Variants in NALF1 observed in about 807,000 individuals in gnomAD.
The protein encoded by NALF1 is family with sequence similarity 155 member A.
NALF1 carries 3 observed loss-of-function variants against 48.4 expected under a neutral mutation model. That is an observed-to-expected ratio of 0.06 (90% CI 0.03 to 0.16). The LOEUF (loss-of-function observed/expected upper bound fraction) is 0.16, where lower values mean the gene tolerates loss of function less well. Among genes scored for constraint, NALF1 ranks in the 10% least tolerant of loss-of-function variants. The probability of loss-of-function intolerance (pLI) is 1.00; values close to 1 mark genes in which losing one functional copy is unlikely to be tolerated. For missense variants in NALF1, 526 were observed against 571.5 expected (o/e 0.92, Z 0.81); for synonymous variants, 262 against 245.7 (o/e 1.07, Z -0.62).
chr13:107,709,199 C>CAGTGTCA (rs1875495525), intron 1 of NALF1, among the ~76,000 whole-genome samples: 1 of 152,112 alleles, frequency 6.6e-6, no homozygotes, highest in Non-Finnish European at 1.5e-5. Context: ...TCCAAGGGCT[C>CAGTGTCA]AGTGTCACTT....
At chr13:107,442,097 A>G (rs1413599997) in intron 1 of NALF1, among the ~76,000 whole-genome samples, 1 of 152,148 alleles carries the variant, frequency 6.6e-6, no homozygotes, top group Non-Finnish European at 1.5e-5. Flanking sequence ...GATTTGAAAT[A>G]GAGCTTTAAG....
intron 1 of NALF1, among the ~76,000 whole-genome samples, chr13:107,580,215 C>T (rs1240042799): frequency 2.6e-5 from 4 of 152,132 alleles, no homozygotes; most frequent in Non-Finnish European, 4.4e-5. Context: ...CCAAACACCG[C>T]ATATTCTCAC....
Position 107,309,246 on chromosome 13 carries a change from C to G in NALF1, c.916-98491G>C, listed in dbSNP as rs542985783. Reference sequence around the variant, plus strand: ...ACACCTGTCTTTGGTGAGATGCTTTCTCTGTACACAGAAGAGGTTAGAAAC... The same window carrying G: ...ACACCTGTCTTTGGTGAGATGCTTTGTCTGTACACAGAAGAGGTTAGAAAC... On this transcript the variant is annotated intron_variant, in intron 1 of 2. Transcript: ENST00000375915. 4.6e-5 allele frequency among the ~76,000 whole-genome samples: 7 copies of G among 152,322 alleles called. No homozygotes were observed. The East Asian group carries it at 9.6e-4, about 21-fold the overall frequency.
At chr13:107,396,265 T>G (rs928478945) in intron 1 of NALF1, among the ~76,000 whole-genome samples, 3 of 152,118 alleles carry the variant, frequency 2.0e-5, no homozygotes, top group African/African-American at 7.2e-5. Context: ...ATAGTCAGAT[T>G]GGGGGTAAGG....
chr13:107,215,760 T>A (rs1026295390), intron 1 of NALF1, among the ~76,000 whole-genome samples: 2 of 152,160 alleles, frequency 1.3e-5, no homozygotes, highest in South Asian at 4.1e-4. Context: ...GGTGTCCTCA[T>A]GTCCTCTCTT....
chr13:107,794,349 T>G (rs543727952), intron 1 of NALF1, among the ~76,000 whole-genome samples: 17 of 152,266 alleles, frequency 1.1e-4, no homozygotes, highest in African/African-American at 4.1e-4. Context: ...TGAATAATCG[T>G]TGAGTCCTTT....
intron 1 of NALF1, among the ~76,000 whole-genome samples, chr13:107,670,838 G>A (rs1045400017): frequency 6.6e-6 from 1 of 152,050 alleles, no homozygotes; most frequent in African/African-American, 2.4e-5. Flanking sequence ...ACCCAGTGCT[G>A]GTAGAGTTAA....
chr13:107,712,009 C>G (rs1372989123), intron 1 of NALF1, among the ~76,000 whole-genome samples: 1 of 151,906 alleles, frequency 6.6e-6, no homozygotes, highest in East Asian at 1.9e-4. Flanking sequence ...TATGGATTAT[C>G]TAAAATCACA....
chr13:107,250,066 C>T (rs1880667099), intron 1 of NALF1, among the ~76,000 whole-genome samples: 1 of 150,284 alleles, frequency 6.7e-6, no homozygotes, highest in Non-Finnish European at 1.5e-5. Flanking sequence ...TCTAAATCAA[C>T]TGATTTAGAG....
intron 1 of NALF1, among the ~76,000 whole-genome samples, chr13:107,519,852 G>GA (rs1433578793): frequency 2.6e-5 from 4 of 152,196 alleles, no homozygotes; most frequent in African/African-American, 9.6e-5. Context: ...TATTCAGTTA[G>GA]AATTAAGTAT....
At chr13:107,797,012 C>G (rs892686328) in intron 1 of NALF1, among the ~76,000 whole-genome samples, 1 of 152,160 alleles carries the variant, frequency 6.6e-6, no homozygotes, top group Non-Finnish European at 1.5e-5. Context: ...CCTTCACAAC[C>G]TGAAATGTAC....
At chr13:107,454,167 A>C (rs1371025808) in intron 1 of NALF1, among the ~76,000 whole-genome samples, 1 of 152,168 alleles carries the variant, frequency 6.6e-6, no homozygotes, top group Admixed American at 6.5e-5. Flanking sequence ...CACCTGCCTG[A>C]TTCCCAGTTC....
At chr13:107,773,178 GT>G (rs1877627071) in intron 1 of NALF1, among the ~76,000 whole-genome samples, 1 of 152,082 alleles carries the variant, frequency 6.6e-6, no homozygotes. Context: ...GTTGACTATT[GT>G]TTTTCATTCA....
At chr13:107,440,660 C>A (rs1208451702) in intron 1 of NALF1, among the ~76,000 whole-genome samples, 5 of 152,096 alleles carry the variant, frequency 3.3e-5, no homozygotes, top group Non-Finnish European at 5.9e-5. Context: ...GCTGATTCTG[C>A]ACGTGTTTTT....
intron 1 of NALF1, among the ~76,000 whole-genome samples, chr13:107,843,826 A>T (rs1466074954): frequency 6.6e-6 from 1 of 152,200 alleles, no homozygotes; most frequent in Non-Finnish European, 1.5e-5. Context: ...AATTGAGAAT[A>T]AACTTAACAG....
chr13:107,819,701 C>CTG (rs1374922884), intron 1 of NALF1, among the ~76,000 whole-genome samples: 1 of 149,998 alleles, frequency 6.7e-6, no homozygotes, highest in Admixed American at 6.7e-5. Flanking sequence ...CTCTCTCTCT[C>CTG]TCTCTCTCTC....
intron 1 of NALF1, among the ~76,000 whole-genome samples, chr13:107,564,677 A>C (rs1190813307): frequency 6.6e-6 from 1 of 152,164 alleles, no homozygotes; most frequent in Non-Finnish European, 1.5e-5. Flanking sequence ...GCCTCCATAC[A>C]CCTTCCTCCC....
intron 1 of NALF1, among the ~76,000 whole-genome samples, chr13:107,542,714 A>C (rs1414244882): frequency 2.6e-5 from 4 of 152,150 alleles, no homozygotes; most frequent in African/African-American, 7.2e-5. Flanking sequence ...TAGTAGTTCT[A>C]TATGTATTGC....
chr13:107,740,066 G>C (rs1876588503), intron 1 of NALF1, among the ~76,000 whole-genome samples: 1 of 152,108 alleles, frequency 6.6e-6, no homozygotes, highest in Admixed American at 6.5e-5. Flanking sequence ...TAATCCACTT[G>C]AATCATCCTG....
Sources: gnomAD v4.1 joint callset for allele counts (sites outside exome capture counted in the v4.1 genomes callset) on GRCh38, gnomAD v4.1.1 for gene constraint, MANE v1.5 for transcripts, NCBI Gene and HGNC (gene_info 2026-07-23, HGNC 2026-07-21) for gene names.